MED22: variants seen among roughly 807,000 people sequenced by gnomAD.
MED22 encodes the protein mediator of RNA polymerase II transcription subunit 22.
Under a neutral mutation model 22.7 loss-of-function variants are expected in MED22, and 22 were observed. That is an observed-to-expected ratio of 0.97 (90% CI 0.69 to 1.38). The LOEUF is 1.38. Among genes scored for constraint, MED22 ranks in the 40% most tolerant of loss-of-function variants. The probability of loss-of-function intolerance (pLI) is 0.00; values close to 1 mark genes in which losing one functional copy is unlikely to be tolerated. For missense variants in MED22, 247 were observed against 263.0 expected, an observed-to-expected ratio of 0.94 and a Z score of 0.42; for synonymous variants, 134 against 119.4, an observed-to-expected ratio of 1.12 and a Z score of -0.80.
Position 133,348,089 on chromosome 9 carries a change from C to G in MED22, c.-206G>C. ...GCGGTCCGAAAACCTAGTCAGCCGC[C>G]GCAGCCTCTCGGCCCCGCCTCGATT... On this transcript the variant is annotated 5_prime_UTR_variant, in exon 1 of 5. Transcript: ENST00000343730. 9.1e-7 allele frequency: 1 copy of G among 1,101,044 alleles called. No individual in the cohort carries two copies. Among genetic ancestry groups the G allele is most frequent in the Non-Finnish European group, 1.4e-6 (1 of 732,250 alleles). The allele number at this position is 1,101,044 out of a possible 1,614,324, so 68.2% of individuals were successfully genotyped here.
chr9:133,346,470 A>G (rs992387274), intron 2 of MED22, 70 bp downstream of exon 2: 7 of 1,590,632 alleles, frequency 4.4e-6, no homozygotes, highest in African/African-American at 1.3e-5. Context: ...CGCGCTGCTC[A>G]GCCCCTGGCC....
At chr9:133,342,412 C>T in intron 4 of MED22, 2 of 986,024 alleles carry the variant, frequency 2.0e-6, no homozygotes, top group Non-Finnish European at 2.4e-6. Flanking sequence ...TCCCTTGCTC[C>T]TGCCCTCAGT....
chr9:133,346,946 C>G (rs1836203556), intron 1 of MED22, among the ~76,000 whole-genome samples: 1 of 152,200 alleles, frequency 6.6e-6, no homozygotes. Context: ...GTCCAGGGCT[C>G]CAGTCCAGAC....
rs1835978118 is a variant in MED22, at chr9:133,340,565, T to C, written c.*940A>G. Reference sequence around the variant, plus strand: ...ACACTGGGTCTAGACTTCCATCAGGTTCAAGTTCTGATTCCTGCCACTTCA... The same window carrying C: ...ACACTGGGTCTAGACTTCCATCAGGCTCAAGTTCTGATTCCTGCCACTTCA... On this transcript the variant is annotated 3_prime_UTR_variant, in exon 5 of 5. Transcript: ENST00000343730. 2 of 152,230 alleles carry C rather than the reference T, an allele frequency of 1.3e-5. No homozygotes were observed. The highest frequency in any genetic ancestry group is 4.1e-4 in the South Asian group (2 of 4,830). 9.4% of individuals were successfully genotyped at this position (152,230 alleles called of 1,614,324 possible). A position where few individuals can be genotyped will look rare whatever the true frequency, so the allele number is the denominator to read the frequency against.
intron 4 of MED22, 160 bp downstream of exon 4, chr9:133,343,965 C>A: frequency 1.4e-6 from 2 of 1,456,522 alleles, no homozygotes; most frequent in South Asian, 2.8e-5. Context: ...AATTGTCTGT[C>A]GGTCAAACGC....
intron 3 of MED22, among the ~76,000 whole-genome samples, 194 bp from the exon 4 acceptor site, chr9:133,344,527 G>A (rs1201033685): frequency 6.6e-6 from 1 of 152,232 alleles, no homozygotes; most frequent in Non-Finnish European, 1.5e-5. Context: ...CAGTTCTGCA[G>A]GGCAGGCCCT....
At chr9:133,342,065 C>T in intron 4 of MED22, 1 of 1,095,920 alleles carries the variant, frequency 9.1e-7, no homozygotes, top group South Asian at 2.3e-5. Flanking sequence ...CCTCCCTCCT[C>T]CCTGACTGCA....
In MED22 at chr9:133,341,344, G is replaced by A. The variant is rs1056413014; in HGVS notation, c.*161C>T. The A allele has an allele frequency of 1.2e-4, 83 of 680,972 alleles. No homozygotes were observed. Among genetic ancestry groups the A allele is most frequent in the Non-Finnish European group, 2.5e-5 (11 of 443,506 alleles). The allele number at this position is 680,972 out of a possible 1,614,324, so 42.2% of individuals were successfully genotyped here. On this transcript the variant is annotated 3_prime_UTR_variant, in exon 5 of 5. Transcript: ENST00000343730. Reference sequence around the variant, plus strand: ...ACAACTGTTTCCCTACTGTCCTGGCGGGACCCACCCTGGGCTAACGGGCTT... The same window carrying A: ...ACAACTGTTTCCCTACTGTCCTGGCAGGACCCACCCTGGGCTAACGGGCTT...
chr9:133,343,084 A>G, intron 4 of MED22: 1 of 999,000 alleles, frequency 1.0e-6, no homozygotes, highest in Non-Finnish European at 1.2e-6. Flanking sequence ...CTGGGGACCA[A>G]AGATTCCCTC....
At chr9:133,346,964 C>A (rs2129970532) in intron 1 of MED22, among the ~76,000 whole-genome samples, 12 of 152,208 alleles carry the variant, frequency 7.9e-5, no homozygotes, top group Admixed American at 7.2e-4. Context: ...GACTTCACGT[C>A]CAGGCCCACA....
intron 2 of MED22, among the ~76,000 whole-genome samples, 185 bp from the exon 3 acceptor site, chr9:133,345,437 C>T (rs1012706796): frequency 6.6e-6 from 1 of 152,168 alleles, no homozygotes; most frequent in African/African-American, 2.4e-5. Flanking sequence ...TCAATTCCAC[C>T]CTCTCTTGTT....
chr9:133,339,271 C>T lies in MED22; in HGVS notation c.*2234G>A. ...AGAATGAATGTGCATATTCAGCACA[C>T]TAAGCACTCTAAGAGCCGAGAGAGC... is the stretch of plus-strand genomic sequence containing the variant. On this transcript the variant is annotated 3_prime_UTR_variant, in exon 5 of 5. Coordinates refer to ENST00000343730, the MANE Select transcript of MED22 (RefSeq NM_133640.5). 1.4e-6 allele frequency: 1 copy of T among 703,518 alleles called. No homozygotes were observed. The highest frequency in any genetic ancestry group is 2.6e-6 in the Non-Finnish European group (1 of 377,408). 43.6% of individuals were successfully genotyped at this position (703,518 alleles called of 1,614,324 possible).
chr9:133,342,279 A>G (rs1836028587), intron 4 of MED22: 1 of 986,108 alleles, frequency 1.0e-6, no homozygotes, highest in Non-Finnish European at 1.2e-6. Flanking sequence ...GGCAGCCAGG[A>G]TGCAGGTGAA....
At position 133,341,998 on chromosome 9, in the gene MED22, T is replaced by C. The variant is rs1031213447; in HGVS notation, c.414-304A>G. Reference sequence around the variant, plus strand: ...CTCCACGTGGGCCTGTCCTAGCCTATGCCTCCCAGCTGGTGCTGGTCCCCC... The same window carrying C: ...CTCCACGTGGGCCTGTCCTAGCCTACGCCTCCCAGCTGGTGCTGGTCCCCC... On this transcript the variant is annotated intron_variant, in intron 4 of 4. Transcript: ENST00000343730. 2.6e-6 allele frequency: 3 copies of C among 1,169,808 alleles called. No homozygotes were observed. The African/African-American group carries it at 4.9e-5, about 19-fold the overall frequency. The allele number at this position is 1,169,808 out of a possible 1,614,324, so 72.5% of individuals were successfully genotyped here.
At chr9:133,342,085 G>C in intron 4 of MED22, 1 of 1,084,694 alleles carries the variant, frequency 9.2e-7, no homozygotes, top group Non-Finnish European at 1.1e-6. Flanking sequence ...AGAAACCCCA[G>C]TGTCACTACA....
intron 4 of MED22, chr9:133,342,053 A>C: frequency 9.1e-7 from 1 of 1,093,992 alleles, no homozygotes; most frequent in Non-Finnish European, 1.1e-6. Context: ...CAGCCTGGCC[A>C]CCCTCCCTCC....
At position 133,341,629 on chromosome 9, in the gene MED22, G is replaced by T. The variant is rs2129949699; in HGVS notation, c.479C>A (p.Thr160Lys). 1.2e-6 allele frequency: 2 copies of T among 1,605,346 alleles called. No homozygotes were observed. The highest frequency in any genetic ancestry group is 2.2e-5 in the South Asian group (2 of 89,718). ...CEAYGRLDLDTDSADGLSAPL... is the reference protein window; with the variant it reads ...CEAYGRLDLDKDSADGLSAPL... Reference sequence around the variant, plus strand: ...GGCCGAGAGGCCATCAGCAGAGTCTGTGTCGAGGTCCAGCCTCCCGTAAGC... The same window carrying T: ...GGCCGAGAGGCCATCAGCAGAGTCTTTGTCGAGGTCCAGCCTCCCGTAAGC... Residue 160 changes from threonine (T) to lysine (K), a missense_variant, in exon 5 of 5, where the codon ACA becomes AAA. Physicochemically the swap from Thr to Lys is moderately conservative, Grantham distance 78. Transcript: ENST00000343730.
rs1835978471 is a variant in MED22 at position 133,340,591 on chromosome 9, C to T, written c.*914G>A. 6.6e-6 allele frequency: 1 copy of T among 152,292 alleles called. No homozygotes were observed. Among genetic ancestry groups the T allele is most frequent in the Non-Finnish European group, 1.5e-5 (1 of 68,064 alleles). 9.4% of individuals were successfully genotyped at this position (152,292 alleles called of 1,614,324 possible). A position where few individuals can be genotyped will look rare whatever the true frequency, so the allele number is the denominator to read the frequency against. Reference sequence around the variant, plus strand: ...TCAAGTTCTGATTCCTGCCACTTCACTTCCTAGCTCTGTGGCCGTGGTACA... The same window carrying T: ...TCAAGTTCTGATTCCTGCCACTTCATTTCCTAGCTCTGTGGCCGTGGTACA... On this transcript the variant is annotated 3_prime_UTR_variant, in exon 5 of 5. Coordinates refer to ENST00000343730, the MANE Select transcript of MED22 (RefSeq NM_133640.5).
intron 4 of MED22, chr9:133,342,487 C>T: frequency 1.0e-6 from 1 of 986,608 alleles, no homozygotes; most frequent in Non-Finnish European, 1.2e-6. Flanking sequence ...AGAGGCAGAG[C>T]CAGAAAGAGC....
Sources: allele counts gnomAD v4.1 joint callset (sites outside exome capture counted in the v4.1 genomes callset), GRCh38; gene constraint gnomAD v4.1.1; transcripts MANE v1.5; gene names NCBI Gene and HGNC (gene_info 2026-07-23, HGNC 2026-07-21).